Variants in TXNRD2 observed in about 807,000 individuals in gnomAD.
The protein encoded by TXNRD2 is thioredoxin reductase 2, also known as thioredoxin reductase 2, mitochondrial.
In TXNRD2, 67 loss-of-function variants were observed where a neutral mutation model predicts 70.8. The observed-to-expected ratio is 0.95, with a 90% CI of 0.78 to 1.16. TXNRD2 has a LOEUF of 1.16. Among genes scored for constraint, TXNRD2 ranks in the 50% most tolerant of loss-of-function variants. TXNRD2 has a pLI of 0.00. For missense variants in TXNRD2, 644 were observed against 719.9 expected, an observed-to-expected ratio of 0.89 and a Z score of 1.21; for synonymous variants, 301 against 295.8, an observed-to-expected ratio of 1.02 and a Z score of -0.18.
rs369332144 is a variant in TXNRD2 at position 19,883,314 on chromosome 22, G to A, written c.1086+11C>T. On this transcript the variant is annotated intron_variant, in intron 12 of 17. Coordinates refer to ENST00000400521, the MANE Select transcript of TXNRD2 (RefSeq NM_006440.5). ...GGGGCAGGGGCCCTGGTCCCGGGAC[G>A]CATGCCGTACCTCCACCACGTCACC... is the stretch of plus-strand genomic sequence containing the variant. 77 of 1,612,336 alleles carry A rather than the reference G, an allele frequency of 4.8e-5. No homozygotes were observed. The highest frequency in any genetic ancestry group is 5.9e-5 in the Non-Finnish European group (70 of 1,179,286).
chr22:19,880,151 C>T, intron 14 of TXNRD2, 28 bp downstream of exon 14: 1 of 1,610,394 alleles, frequency 6.2e-7, no homozygotes, highest in South Asian at 1.1e-5. Context: ...TCGCCACTGT[C>T]CTCAGCTGTG....
chr22:19,887,114 T>C (rs1196232329), intron 11 of TXNRD2, among the ~76,000 whole-genome samples: 3 of 152,246 alleles, frequency 2.0e-5, no homozygotes, highest in Non-Finnish European at 4.4e-5. Flanking sequence ...TATTTCCTCT[T>C]TTGTAAATTA....
At position 19,878,456 on chromosome 22, in the gene TXNRD2, C is replaced by A. The variant is rs1938610687; in HGVS notation, c.1276-19G>T. On this transcript the variant is annotated intron_variant, in intron 14 of 17. Coordinates refer to ENST00000400521, the MANE Select transcript of TXNRD2 (RefSeq NM_006440.5). Reference sequence around the variant, plus strand: ...GATAGACCTGAGGACAGGATACCAACCCTGGATCAGTGCTGCGACAAACAA... The same window carrying A: ...GATAGACCTGAGGACAGGATACCAAACCTGGATCAGTGCTGCGACAAACAA... 3 of 1,612,342 alleles carry A rather than the reference C, an allele frequency of 1.9e-6. No homozygotes were observed. In the African/African-American group the frequency reaches 4.0e-5, roughly 21 times the overall value.
intron 2 of TXNRD2, among the ~76,000 whole-genome samples, chr22:19,923,011 T>C (rs12168386): frequency 6.6e-6 from 1 of 152,122 alleles, no homozygotes; most frequent in Non-Finnish European, 1.5e-5. Flanking sequence ...ATGCAATTTG[T>C]TCTACCTGCT....
At chr22:19,938,125 T>TG (rs1326319868) in intron 1 of TXNRD2, 1 of 152,200 alleles carries the variant, frequency 6.6e-6, no homozygotes, top group African/African-American at 2.4e-5. Context: ...ATTGTCCCCA[T>TG]GGGGGTCACT....
At chr22:19,937,725 G>A (rs1306971818) in intron 1 of TXNRD2, among the ~76,000 whole-genome samples, 3 of 152,178 alleles carry the variant, frequency 2.0e-5, no homozygotes, top group Non-Finnish European at 4.4e-5. Flanking sequence ...AAACTTAAAA[G>A]CGGCCAAGCC....
At chr22:19,926,383 G>A (rs1319350563) in intron 2 of TXNRD2, among the ~76,000 whole-genome samples, 7 of 151,044 alleles carry the variant, frequency 4.6e-5, no homozygotes, top group Non-Finnish European at 1.0e-4. Flanking sequence ...CCAGCTACTT[G>A]GGAGGCTGAG....
intron 1 of TXNRD2, chr22:19,932,550 C>T: frequency 1.3e-6 from 2 of 1,493,840 alleles, no homozygotes; most frequent in Non-Finnish European, 1.8e-6. Flanking sequence ...GGCCTGAGGT[C>T]CGGGACACCC....
At chr22:19,915,626 A>C (rs1940602148) in intron 6 of TXNRD2, 139 bp downstream of exon 6, 2 of 790,260 alleles carry the variant, frequency 2.5e-6, no homozygotes, top group Non-Finnish European at 4.4e-6. Flanking sequence ...ACAAGTGCCC[A>C]GCCTCAAAAG....
chr22:19,917,267 C>T (rs1476261255), intron 5 of TXNRD2, among the ~76,000 whole-genome samples: 1 of 152,148 alleles, frequency 6.6e-6, no homozygotes, highest in Non-Finnish European at 1.5e-5. Flanking sequence ...GCCTGCTGTC[C>T]CCAGGAAACT....
chr22:19,878,455 A>C lies in TXNRD2; in HGVS notation c.1276-18T>G, dbSNP rs748207950. ...TGATAGACCTGAGGACAGGATACCA[A>C]CCCTGGATCAGTGCTGCGACAAACA... On this transcript the variant is annotated intron_variant, in intron 14 of 17. Coordinates refer to ENST00000400521, the MANE Select transcript of TXNRD2 (RefSeq NM_006440.5). 1.2e-6 allele frequency: 2 copies of C among 1,612,086 alleles called. No homozygotes were observed. Among genetic ancestry groups the C allele is most frequent in the Non-Finnish European group, 8.5e-7 (1 of 1,178,912 alleles).
intron 1 of TXNRD2, chr22:19,933,449 C>T (rs1189325919): frequency 7.8e-7 from 1 of 1,289,624 alleles, no homozygotes; most frequent in African/African-American, 1.5e-5. Flanking sequence ...ATGGCAGGTG[C>T]CTGTCCTTCT....
rs995249950 is a variant in TXNRD2 at position 19,933,967 on chromosome 22, G to A, written c.104-2869C>T. ...TGCTCCTCTTTGAACCCACTGCCTG[G>A]TACAGGCCAGCAAAGAGCAGGAGCC... is the stretch of plus-strand genomic sequence containing the variant. On this transcript the variant is annotated intron_variant, in intron 1 of 17. Coordinates refer to ENST00000400521, the MANE Select transcript of TXNRD2 (RefSeq NM_006440.5). Among the ~76,000 whole-genome samples, 3 of 152,290 alleles carry A rather than the reference G, an allele frequency of 2.0e-5. No homozygotes were observed. In the East Asian group the frequency reaches 5.8e-4, roughly 29 times the overall value.
intron 2 of TXNRD2, among the ~76,000 whole-genome samples, chr22:19,922,678 G>A (rs997410643): frequency 6.6e-6 from 1 of 151,970 alleles, no homozygotes; most frequent in Non-Finnish European, 1.5e-5. Context: ...CTTTTGGTGT[G>A]GGAAGGATCT....
intron 2 of TXNRD2, among the ~76,000 whole-genome samples, chr22:19,921,106 CA>C (rs33910378): frequency 0.012 from 996 of 84,268 alleles, 10 homozygotes; most frequent in African/African-American, 0.041. Context: ...GACTCTGTCT[CA>C]AAAAAAAAAA....
chr22:19,892,740 T>C (rs189531492), intron 11 of TXNRD2, among the ~76,000 whole-genome samples: 136 of 152,126 alleles, frequency 8.9e-4, no homozygotes, highest in South Asian at 6.8e-3. Context: ...TAGGGCGCGG[T>C]GGGAGGGAGA....
intron 1 of TXNRD2, chr22:19,932,420 G>C: frequency 6.2e-7 from 1 of 1,612,568 alleles, no homozygotes; most frequent in Non-Finnish European, 8.5e-7. Flanking sequence ...CCTGCAAAAG[G>C]TGTCATCGTG....
At chr22:19,879,545 T>TG (rs535112348) in intron 14 of TXNRD2, among the ~76,000 whole-genome samples, 1 of 5,836 alleles carries the variant, frequency 1.7e-4, no homozygotes, top group African/African-American at 6.2e-4. Context: ...CAGGATGTGG[T>TG]GGGGGGCGGG....
intron 2 of TXNRD2, among the ~76,000 whole-genome samples, chr22:19,925,509 C>A (rs775017819): frequency 6.6e-6 from 1 of 151,396 alleles, no homozygotes; most frequent in Non-Finnish European, 1.5e-5. Context: ...TTTTCTCACA[C>A]GATTTAAGTA....
Sources: allele counts gnomAD v4.1 joint callset (sites outside exome capture counted in the v4.1 genomes callset), GRCh38; gene constraint gnomAD v4.1.1; transcripts MANE v1.5; gene names NCBI Gene and HGNC (gene_info 2026-07-23, HGNC 2026-07-21).